ZNF518B: variants seen among roughly 807,000 people sequenced by gnomAD.
ZNF518B encodes the protein zinc finger protein 518B.
Under a neutral mutation model 56.3 loss-of-function variants are expected in ZNF518B, and 23 were observed. The observed-to-expected ratio is 0.41, with a 90% CI of 0.29 to 0.58. ZNF518B has a LOEUF of 0.58. ZNF518B is among the 20% of genes least tolerant of loss of function. ZNF518B has a pLI of 0.32. For missense variants in ZNF518B, 1,460 were observed against 1,272.1 expected (o/e 1.15, Z -2.25); for synonymous variants, 529 against 465.9 (o/e 1.14, Z -1.74).
intron 1 of ZNF518B, chr4:10,457,014 G>C (rs1433781568): frequency 6.7e-6 from 1 of 149,516 alleles, no homozygotes; most frequent in Non-Finnish European, 1.5e-5. Context: ...GGGGGCGCCG[G>C]GCCGGACCCC....
chr4:10,458,515 A>G (rs562851872), upstream of ZNF518B, among the ~76,000 whole-genome samples: 17 of 152,298 alleles, frequency 1.1e-4, no homozygotes, highest in African/African-American at 4.1e-4. Context: ...GCAGCTGGGC[A>G]AAACCTCCAC....
In ZNF518B at chr4:10,441,472, G is replaced by A. The variant is rs1714678252; in HGVS notation, c.*1632C>T. The A allele has an allele frequency of 1.4e-5, 2 of 146,894 alleles. No homozygotes were observed. 9.1% of individuals were successfully genotyped at this position (146,894 alleles called of 1,614,324 possible). On this transcript the variant is annotated 3_prime_UTR_variant, in exon 3 of 3. Transcript: ENST00000326756. ...AAAAAAAAAATCAAAGTCTCCAATCGACTACCCAATAAACAATCACTGGTG... is the reference window on the plus strand; with the variant it reads ...AAAAAAAAAATCAAAGTCTCCAATCAACTACCCAATAAACAATCACTGGTG...
rs148944451 is a variant in ZNF518B at position 10,445,545 on chromosome 4, C to G, written c.784G>C (p.Gly262Arg). The change falls in exon 3 of 3, where the codon GGT becomes CGT. Residue 262 changes from glycine to arginine, a missense_variant. Coordinates refer to ENST00000326756, the MANE Select transcript of ZNF518B (RefSeq NM_053042.3). ...TCTTTATTTGCATGGAGAGAGAAAC[C>G]TGACAGTTGGTCTGACCACTTATTT... is the stretch of plus-strand genomic sequence containing the variant. The part of the protein sequence containing the change: ...FQNKWSDQLS[G>R]FSLHANKDKM... 5.0e-6 allele frequency: 8 copies of G among 1,614,156 alleles called. No homozygotes were observed. Among genetic ancestry groups the G allele is most frequent in the Non-Finnish European group, 5.9e-6 (7 of 1,180,030 alleles).
chr4:10,442,459 C>T lies in ZNF518B; in HGVS notation c.*645G>A, dbSNP rs934376505. ...TGAAAATGTTATCTTTCTTCTAACACTTGCTGTGAAAGGAGTAAATTCAGG... is the reference window on the plus strand; with the variant it reads ...TGAAAATGTTATCTTTCTTCTAACATTTGCTGTGAAAGGAGTAAATTCAGG... On this transcript the variant is annotated 3_prime_UTR_variant, in exon 3 of 3. Coordinates refer to ENST00000326756, the MANE Select transcript of ZNF518B (RefSeq NM_053042.3). 6.6e-6 allele frequency: 1 copy of T among 152,304 alleles called. No individual in the cohort carries two copies. The highest frequency in any genetic ancestry group is 6.5e-5 in the Admixed American group (1 of 15,300). The allele number at this position is 152,304 out of a possible 1,614,324, so 9.4% of individuals were successfully genotyped here. A position where few individuals can be genotyped will look rare whatever the true frequency, so the allele number is the denominator to read the frequency against.
At position 10,445,670 on chromosome 4, in the gene ZNF518B, C is replaced by T. The variant is rs1335152245; in HGVS notation, c.659G>A (p.Arg220Gln). The change falls in exon 3 of 3, where the codon CGG becomes CAG. Residue 220 changes from arginine (R) to glutamine (Q), a missense_variant. Arg to Gln is a conservative substitution (Grantham distance 43, BLOSUM62 1). Transcript: ENST00000326756. ...CAGCTTGGCAACAGCTTTGACTGGC[C>T]GTTTCGCACCTGCCCTTTCATGTAC... is the stretch of plus-strand genomic sequence containing the variant. ...KRVHERAGAK[R>Q]PVKAVAKLEP... The T allele has an allele frequency of 1.9e-6, 3 of 1,613,958 alleles. No individual in the cohort carries two copies. Among genetic ancestry groups the T allele is most frequent in the African/African-American group, 1.3e-5 (1 of 74,902 alleles).
chr4:10,448,604 A>G (rs928336572), intron 2 of ZNF518B, among the ~76,000 whole-genome samples: 3 of 151,990 alleles, frequency 2.0e-5, no homozygotes, highest in African/African-American at 7.3e-5. Flanking sequence ...CTCTATCTTA[A>G]GTATGCATAC....
intron 2 of ZNF518B, chr4:10,452,376 T>A (rs939271422): frequency 3.8e-4 from 58 of 152,228 alleles, no homozygotes; most frequent in African/African-American, 1.4e-3. Context: ...ACTTACAAAT[T>A]ATATCTATAT....
In ZNF518B at chr4:10,444,145, C is replaced by T. The variant is rs374035596; in HGVS notation, c.2184G>A (p.Pro728=). Residue 728 remains proline (P), a synonymous_variant, in exon 3 of 3, where the codon CCG becomes CCA. Coordinates refer to ENST00000326756, the MANE Select transcript of ZNF518B (RefSeq NM_053042.3). ...GHSTGTLQKP[P]NDGGITGNRQ... is the part of the protein sequence containing the mutation. ...TATTACCAGTAATACCACCATCATT[C>T]GGAGGTTTCTGAAGAGTACCTGTGG... 3.2e-5 allele frequency: 51 copies of T among 1,614,018 alleles called. 1 individual carries two copies. The highest frequency in any genetic ancestry group is 1.6e-4 in the Middle Eastern group (1 of 6,084).
Position 10,443,142 on chromosome 4 carries a change from T to C in ZNF518B, c.3187A>G (p.Thr1063Ala), listed in dbSNP as rs1296871794. 1 of 1,614,090 alleles carries C rather than the reference T, an allele frequency of 6.2e-7. No individual in the cohort carries two copies. The highest frequency in any genetic ancestry group is 8.5e-7 in the Non-Finnish European group (1 of 1,179,992). The change falls in exon 3 of 3, where the codon ACT (threonine) becomes GCT (alanine). Residue 1063 changes from threonine (T) to alanine (A), a missense_variant. By Grantham distance (58) the Thr-to-Ala change is moderately conservative. Transcript: ENST00000326756. The part of the protein sequence containing the change: ...SHGQRHLIEA[T>A]RDWDVLSSKG... ...GAGGAAAGAACATCCCAATCTCTAG[T>C]TGCTTCTATCAAATGCCGTTGGCCA...
Position 10,444,134 on chromosome 4 carries a change from C to A in ZNF518B, c.2195G>T (p.Gly732Val). Residue 732 changes from glycine to valine, a missense_variant, in exon 3 of 3, where the codon GGT becomes GTT. By Grantham distance (109) the Gly-to-Val change is moderately radical (BLOSUM62 -3). Coordinates refer to ENST00000326756, the MANE Select transcript of ZNF518B (RefSeq NM_053042.3). ...GTLQKPPNDGGITGNRQLTHQ... is the reference protein window; with the variant it reads ...GTLQKPPNDGVITGNRQLTHQ... The stretch of plus-strand genomic sequence containing the variant: ...AGTAAGCTGTCTATTACCAGTAATA[C>A]CACCATCATTCGGAGGTTTCTGAAG... The A allele has an allele frequency of 6.2e-7, 1 of 1,614,174 alleles. No homozygotes were observed. The highest frequency in any genetic ancestry group is 8.5e-7 in the Non-Finnish European group (1 of 1,180,036).
At chr4:10,459,268 G>A (rs1197430079), upstream of ZNF518B, among the ~76,000 whole-genome samples, 1 of 152,194 alleles carries the variant, frequency 6.6e-6, no homozygotes, top group Non-Finnish European at 1.5e-5. Flanking sequence ...GTCTGGAAAT[G>A]GAGTGTTTAC....
rs1404220987 is a variant in ZNF518B at position 10,445,354 on chromosome 4, T to A, written c.975A>T (p.Pro325=). Residue 325 remains proline, a synonymous_variant, in exon 3 of 3, where the codon CCA becomes CCT. Coordinates refer to ENST00000326756, the MANE Select transcript of ZNF518B (RefSeq NM_053042.3). ...VLSPAKEPVQ[P]GMPLTVVAPA... The stretch of plus-strand genomic sequence containing the variant: ...GTGCAACAACTGTCAATGGCATACC[T>A]GGCTGAACAGGTTCTTTTGCAGGGG... 6.2e-7 allele frequency: 1 copy of A among 1,614,122 alleles called. No homozygotes were observed. The highest frequency in any genetic ancestry group is 1.3e-5 in the African/African-American group (1 of 74,946).
At chr4:10,456,382 C>T (rs1715527774) in intron 1 of ZNF518B, among the ~76,000 whole-genome samples, 1 of 152,124 alleles carries the variant, frequency 6.6e-6, no homozygotes, top group African/African-American at 2.4e-5. Context: ...CTTGGCTTTA[C>T]AGAGCCCCAA....
At chr4:10,453,395 C>G (rs1715404096) in intron 2 of ZNF518B, 1 of 152,084 alleles carries the variant, frequency 6.6e-6, no homozygotes, top group African/African-American at 2.4e-5. Context: ...TTCTCCCCAC[C>G]CTGTCTACAG....
chr4:10,457,821 G>T (rs1044029108), upstream of ZNF518B, among the ~76,000 whole-genome samples: 2 of 152,212 alleles, frequency 1.3e-5, no homozygotes, highest in Non-Finnish European at 2.9e-5. Context: ...CGTCTTCTTG[G>T]AGAGCTTCAG....
At chr4:10,456,372 C>A (rs538444701) in intron 1 of ZNF518B, among the ~76,000 whole-genome samples, 1 of 152,118 alleles carries the variant, frequency 6.6e-6, no homozygotes, top group Non-Finnish European at 1.5e-5. Context: ...CCTGCAATTT[C>A]TTGGCTTTAC....
Position 10,440,438 on chromosome 4 carries a change from C to T in ZNF518B, c.*2666G>A, listed in dbSNP as rs1192017071. ...TTAACAAAATGTAGTGATTGGAGGT[C>T]CTTCAAAATTAAGAACCCACACAAA... On this transcript the variant is annotated 3_prime_UTR_variant, in exon 3 of 3. Coordinates refer to ENST00000326756, the MANE Select transcript of ZNF518B (RefSeq NM_053042.3). 6.6e-6 allele frequency: 1 copy of T among 152,500 alleles called. No individual in the cohort carries two copies. Among genetic ancestry groups the T allele is most frequent in the Admixed American group, 6.5e-5 (1 of 15,274 alleles). 9.4% of individuals were successfully genotyped at this position (152,500 alleles called of 1,614,324 possible).
At chr4:10,449,276 G>A (rs534969994) in intron 2 of ZNF518B, among the ~76,000 whole-genome samples, 23 of 152,304 alleles carry the variant, frequency 1.5e-4, no homozygotes, top group African/African-American at 5.1e-4. Flanking sequence ...CTAAGTCTCA[G>A]GAGAGAAGAA....
intron 1 of ZNF518B, among the ~76,000 whole-genome samples, chr4:10,455,908 T>A (rs1258404834): frequency 6.6e-6 from 1 of 152,232 alleles, no homozygotes; most frequent in East Asian, 1.9e-4. Context: ...CAACAGTATA[T>A]AACATTGGTT....
Sources: gnomAD v4.1 joint callset for allele counts (sites outside exome capture counted in the v4.1 genomes callset) on GRCh38, gnomAD v4.1.1 for gene constraint, MANE v1.5 for transcripts, NCBI Gene and HGNC (gene_info 2026-07-23, HGNC 2026-07-21) for gene names.